TNKS: variants seen among roughly 807,000 people sequenced by gnomAD.
The protein encoded by TNKS is poly [ADP-ribose] polymerase tankyrase-1.
TNKS carries 72 observed loss-of-function variants against 135.8 expected under a neutral mutation model. The ratio of observed to expected loss-of-function variants is 0.53; its 90% CI spans 0.44 to 0.64. The LOEUF is 0.64. Ranked by LOEUF, TNKS falls within the 30% of genes least tolerant of loss-of-function variation. The pLI, the probability that TNKS is intolerant of heterozygous loss-of-function variation, is 0.00. For synonymous variants in TNKS, 849 were observed against 649.3 expected (o/e 1.31, Z -4.68); for missense variants, 1,769 against 1,674.0 (o/e 1.06, Z -0.99).
chr8:9,583,746 C>A (rs991263791), intron 2 of TNKS, among the ~76,000 whole-genome samples: 9 of 152,100 alleles, frequency 5.9e-5, no homozygotes, highest in African/African-American at 2.2e-4. Flanking sequence ...CTCAGCCTCC[C>A]AAAGTCCTGG....
chr8:9,688,566 G>T (rs988747122), intron 5 of TNKS, among the ~76,000 whole-genome samples: 3 of 152,144 alleles, frequency 2.0e-5, no homozygotes, highest in Non-Finnish European at 4.4e-5. Context: ...CAGTTCTAAA[G>T]GCTGGGAAGT....
chr8:9,635,752 C>G (rs1285303347), intron 3 of TNKS, among the ~76,000 whole-genome samples: 1 of 152,106 alleles, frequency 6.6e-6, no homozygotes, highest in Non-Finnish European at 1.5e-5. Context: ...CATGAGAAAA[C>G]ATTAAACAAA....
chr8:9,694,997 A>G (rs1193291953), intron 5 of TNKS, among the ~76,000 whole-genome samples: 1 of 152,200 alleles, frequency 6.6e-6, no homozygotes, highest in Non-Finnish European at 1.5e-5. Context: ...TTATCAGAGC[A>G]AGGAAACCTT....
At position 9,586,922 on chromosome 8, in the gene TNKS, A is replaced by C. The variant is rs1013910819; in HGVS notation, c.898+6539A>C. Among the ~76,000 whole-genome samples the C allele has an allele frequency of 3.3e-5, 5 of 152,258 alleles. No homozygotes were observed. The East Asian group carries it at 9.7e-4, about 29-fold the overall frequency. Reference sequence around the variant, plus strand: ...AGAACAATGAAACAGGAGTCGGCGTACCTGGAGAGTACTGTTGGGTCTCCC... The same window carrying C: ...AGAACAATGAAACAGGAGTCGGCGTCCCTGGAGAGTACTGTTGGGTCTCCC... On this transcript the variant is annotated intron_variant, in intron 2 of 26. Coordinates refer to ENST00000310430, the MANE Select transcript of TNKS (RefSeq NM_003747.3).
intron 17 of TNKS, chr8:9,741,148 A>T (rs953118902): frequency 6.6e-6 from 1 of 152,256 alleles, no homozygotes; most frequent in African/African-American, 2.4e-5. Flanking sequence ...TAACTTACAC[A>T]TGTATATCAT....
At chr8:9,602,351 G>T (rs1799048796) in intron 2 of TNKS, among the ~76,000 whole-genome samples, 1 of 152,302 alleles carries the variant, frequency 6.6e-6, no homozygotes, top group South Asian at 2.1e-4. Context: ...CCAAAGGACT[G>T]CACTGAGAGT....
At chr8:9,712,159 G>T (rs1337301370) in intron 11 of TNKS, among the ~76,000 whole-genome samples, 1 of 152,106 alleles carries the variant, frequency 6.6e-6, no homozygotes, top group Non-Finnish European at 1.5e-5. Flanking sequence ...AACTAATATA[G>T]CCATTCAAAC....
intron 2 of TNKS, among the ~76,000 whole-genome samples, chr8:9,613,355 T>A (rs983771682): frequency 3.3e-5 from 5 of 152,206 alleles, no homozygotes; most frequent in Non-Finnish European, 7.3e-5. Context: ...CCTTTGCTTG[T>A]CACTTTATGT....
chr8:9,655,802 G>A (rs1441082588), intron 3 of TNKS, among the ~76,000 whole-genome samples: 1 of 151,610 alleles, frequency 6.6e-6, no homozygotes, highest in South Asian at 2.1e-4. Flanking sequence ...AAAAACCAAA[G>A]CAGAAAAACC....
chr8:9,647,390 G>A (rs1282861906), intron 3 of TNKS, among the ~76,000 whole-genome samples: 2 of 152,110 alleles, frequency 1.3e-5, no homozygotes, highest in African/African-American at 4.8e-5. Context: ...ACATGACCCA[G>A]CAGTAACTAG....
chr8:9,712,118 T>C (rs955305812), intron 11 of TNKS, among the ~76,000 whole-genome samples: 4 of 152,240 alleles, frequency 2.6e-5, no homozygotes, highest in Non-Finnish European at 5.9e-5. Flanking sequence ...ATTTATTTCA[T>C]TGGCTCCATG....
chr8:9,766,966 G>C (rs1306685287), intron 25 of TNKS, among the ~76,000 whole-genome samples: 1 of 152,152 alleles, frequency 6.6e-6, no homozygotes, highest in Non-Finnish European at 1.5e-5. Context: ...CACGGGTTAT[G>C]ATAAAACTCC....
chr8:9,710,712 C>A (rs71516530), intron 11 of TNKS, among the ~76,000 whole-genome samples: 4 of 151,932 alleles, frequency 2.6e-5, no homozygotes, highest in African/African-American at 9.7e-5. Context: ...CTGGCTAAGA[C>A]GGTGAAACCC....
At chr8:9,613,402 A>G (rs1253427222) in intron 2 of TNKS, among the ~76,000 whole-genome samples, 3 of 152,218 alleles carry the variant, frequency 2.0e-5, no homozygotes, top group Non-Finnish European at 2.9e-5. Context: ...GTAATCTTGT[A>G]TGAAAGCTGG....
intron 26 of TNKS, among the ~76,000 whole-genome samples, chr8:9,772,027 G>A (rs1807928850): frequency 8.5e-6 from 1 of 118,016 alleles, no homozygotes; most frequent in Non-Finnish European, 1.8e-5. Flanking sequence ...AGGGAGAAAG[G>A]GAGGGAGTGA....
At chr8:9,616,754 T>A (rs1799660028) in intron 3 of TNKS, among the ~76,000 whole-genome samples, 1 of 152,222 alleles carries the variant, frequency 6.6e-6, no homozygotes, top group Admixed American at 6.5e-5. Context: ...ATTAGTGTAT[T>A]TAGTTGCTGG....
At chr8:9,678,403 C>G (rs1043656876) in intron 3 of TNKS, among the ~76,000 whole-genome samples, 2 of 152,106 alleles carry the variant, frequency 1.3e-5, no homozygotes, top group Non-Finnish European at 2.9e-5. Context: ...ATGACCTTTA[C>G]TCTGTCAGTT....
intron 3 of TNKS, among the ~76,000 whole-genome samples, chr8:9,627,630 ATCT>A (rs1384488166): frequency 6.6e-6 from 1 of 152,060 alleles, no homozygotes; most frequent in African/African-American, 2.4e-5. Flanking sequence ...AGTCACAGAA[ATCT>A]TCTGTGTTGA....
chr8:9,676,006 ATTTTTTTTTTTT>A (rs760646836), intron 3 of TNKS, among the ~76,000 whole-genome samples: 2 of 130,842 alleles, frequency 1.5e-5, no homozygotes, highest in Non-Finnish European at 3.3e-5. Context: ...AAAAGTCAGA[ATTTTTTTTTTTT>A]TTTTTTTTTT....
Sources: gnomAD v4.1 joint callset for allele counts (sites outside exome capture counted in the v4.1 genomes callset) on GRCh38, gnomAD v4.1.1 for gene constraint, MANE v1.5 for transcripts, NCBI Gene and HGNC (gene_info 2026-07-23, HGNC 2026-07-21) for gene names.